Variants in DCP1A observed in about 807,000 individuals in gnomAD.
DCP1A encodes the protein mRNA-decapping enzyme 1A.
A neutral mutation model predicts 58.0 loss-of-function variants in DCP1A; 20 were observed. The observed-to-expected ratio is 0.34, with a 90% CI of 0.24 to 0.50. The LOEUF is 0.50. DCP1A is among the 20% of genes least tolerant of loss of function. DCP1A has a pLI of 0.98. For synonymous variants in DCP1A, 285 were observed against 275.1 expected (o/e 1.04, Z -0.36); for missense variants, 613 against 712.2 (o/e 0.86, Z 1.59).
Position 53,287,679 on chromosome 3 carries a change from G to T in DCP1A, c.1669-19C>A. 13 of 1,577,974 alleles carry T rather than the reference G, an allele frequency of 8.2e-6. No individual in the cohort carries two copies. The highest frequency in any genetic ancestry group is 1.1e-5 in the Non-Finnish European group (13 of 1,147,722). The stretch of plus-strand genomic sequence containing the variant: ...AATCATTCTAGAAGAGATGGTAAAG[G>T]TTAAGGATACGAATGCCACATTTAC... On this transcript the variant is annotated intron_variant, in intron 9 of 9. Coordinates refer to ENST00000610213, the MANE Select transcript of DCP1A (RefSeq NM_018403.7).
Position 53,301,059 on chromosome 3 carries a change from G to T in DCP1A, c.624+3118C>A, listed in dbSNP as rs562754317. ...ACTTCATGATTCACAAAAGGAAGAT[G>T]AAGTGATTCATGATTTAGAAAGGGG... is the stretch of plus-strand genomic sequence containing the variant. On this transcript the variant is annotated intron_variant, in intron 6 of 9. Transcript: ENST00000610213. 2.6e-5 allele frequency among the ~76,000 whole-genome samples: 4 copies of T among 152,304 alleles called. No homozygotes were observed. In the South Asian group the frequency reaches 8.3e-4, roughly 32 times the overall value.
At chr3:53,334,940 A>G (rs1375198344) in intron 3 of DCP1A, among the ~76,000 whole-genome samples, 6 of 147,978 alleles carry the variant, frequency 4.1e-5, no homozygotes, top group Non-Finnish European at 9.0e-5. Flanking sequence ...TCCTCTCAAT[A>G]TATTATTCTT....
chr3:53,288,247 C>T lies in DCP1A; in HGVS notation c.1486G>A (p.Ala496Thr), dbSNP rs1706720037. The change falls in exon 9 of 10, where the codon GCA becomes ACA. Residue 496 changes from alanine (A) to threonine (T), a missense_variant. Coordinates refer to ENST00000610213, the MANE Select transcript of DCP1A (RefSeq NM_018403.7). ...GGGGCCAGCAGGACTGAAGACACTG[C>T]AGTGGTCGTTGCAGTAACCAGTGGG... Reference protein sequence around the residue: ...GAPLVTATTTAVSSVLLAPSV... With the variant: ...GAPLVTATTTTVSSVLLAPSV... 1 of 1,613,330 alleles carries T rather than the reference C, an allele frequency of 6.2e-7. No homozygotes were observed. The highest frequency in any genetic ancestry group is 1.3e-5 in the African/African-American group (1 of 74,894).
intron 6 of DCP1A, among the ~76,000 whole-genome samples, chr3:53,294,222 C>T (rs782572849): frequency 3.3e-5 from 5 of 152,182 alleles, no homozygotes; most frequent in African/African-American, 7.2e-5. Context: ...TATTTTAGAA[C>T]GTGCACTTGG....
At chr3:53,313,448 T>A (rs1236417054) in intron 4 of DCP1A, among the ~76,000 whole-genome samples, 1 of 151,330 alleles carries the variant, frequency 6.6e-6, no homozygotes, top group Non-Finnish European at 1.5e-5. Context: ...CTAAGTGGGC[T>A]TTCAGTTTTT....
At chr3:53,332,586 C>T (rs946855049) in intron 3 of DCP1A, among the ~76,000 whole-genome samples, 10 of 152,092 alleles carry the variant, frequency 6.6e-5, no homozygotes, top group South Asian at 2.1e-4. Context: ...ATTTCTAGGC[C>T]GGGCGCGGTG....
At chr3:53,292,991 C>G (rs782574277) in intron 6 of DCP1A, among the ~76,000 whole-genome samples, 164 bp from the exon 7 acceptor site, 68 of 152,218 alleles carry the variant, frequency 4.5e-4, no homozygotes, top group Non-Finnish European at 5.3e-4. Context: ...GGCCCAGGTT[C>G]ATCTAGTGTC....
intron 3 of DCP1A, among the ~76,000 whole-genome samples, chr3:53,327,177 A>G (rs1390392404): frequency 3.3e-5 from 5 of 152,006 alleles, no homozygotes; most frequent in African/African-American, 9.7e-5. Flanking sequence ...AAGGGGGGGA[A>G]CTTCTTTTCT....
Position 53,293,196 on chromosome 3 carries a change from TA to T in DCP1A, c.625-370del, listed in dbSNP as rs1331433214. Reference sequence around the variant, plus strand: ...AATGCTAATCAGGTGATTCTACCTTTACTTTCACTGTTCTCAATGAAACGCT... The same window carrying T: ...AATGCTAATCAGGTGATTCTACCTTTCTTTCACTGTTCTCAATGAAACGCT... On this transcript the variant is annotated intron_variant, in intron 6 of 9. Coordinates refer to ENST00000610213, the MANE Select transcript of DCP1A (RefSeq NM_018403.7). Among the ~76,000 whole-genome samples, 3 of 152,250 alleles carry T rather than the reference TA, an allele frequency of 2.0e-5. No individual in the cohort carries two copies. In the East Asian group the frequency reaches 5.8e-4, roughly 29 times the overall value.
chr3:53,303,904 T>A (rs921894899), intron 6 of DCP1A, among the ~76,000 whole-genome samples: 3 of 152,190 alleles, frequency 2.0e-5, no homozygotes, highest in East Asian at 1.9e-4. Context: ...AGGAGTGCCA[T>A]GATCTGACTT....
In DCP1A at chr3:53,287,393, A is replaced by T. The variant is rs2106782364; in HGVS notation, c.*187T>A. The T allele has an allele frequency of 3.7e-5, 5 of 135,674 alleles. No homozygotes were observed. Among genetic ancestry groups the T allele is most frequent in the East Asian group, 2.3e-4 (1 of 4,418 alleles). 8.4% of individuals were successfully genotyped at this position (135,674 alleles called of 1,614,324 possible). On this transcript the variant is annotated 3_prime_UTR_variant, in exon 10 of 10. Coordinates refer to ENST00000610213, the MANE Select transcript of DCP1A (RefSeq NM_018403.7). Reference sequence around the variant, plus strand: ...TTGTCAAAACAAGGATCTGCTGGTGATGCTTCACAGTGAAACCTCCATTAT... The same window carrying T: ...TTGTCAAAACAAGGATCTGCTGGTGTTGCTTCACAGTGAAACCTCCATTAT...
intron 8 of DCP1A, 191 bp downstream of exon 8, chr3:53,290,599 AG>A (rs1706821633): frequency 1.5e-6 from 1 of 667,104 alleles, no homozygotes; most frequent in Non-Finnish European, 2.7e-6. Flanking sequence ...CACATCCAGC[AG>A]AACTTAAAAA....
In DCP1A at chr3:53,287,557, C is replaced by G. The variant is rs781805425; in HGVS notation, c.*23G>C. On this transcript the variant is annotated 3_prime_UTR_variant, in exon 10 of 10. Transcript: ENST00000610213. ...ATTTGTCTCTGAGGCTGGGGCTCTG[C>G]CTTTAGACTTATTCTGCTCCAGTCA... 1 of 1,545,680 alleles carries G rather than the reference C, an allele frequency of 6.5e-7. No homozygotes were observed. Among genetic ancestry groups the G allele is most frequent in the African/African-American group, 1.4e-5 (1 of 73,110 alleles).
At chr3:53,290,375 C>A (rs906709953) in intron 8 of DCP1A, among the ~76,000 whole-genome samples, 6 of 152,102 alleles carry the variant, frequency 3.9e-5, no homozygotes, top group Non-Finnish European at 7.4e-5. Flanking sequence ...ACACTCTTAG[C>A]AGTCACCCAT....
At chr3:53,345,300 C>T (rs979148173) in intron 1 of DCP1A, among the ~76,000 whole-genome samples, 1 of 152,072 alleles carries the variant, frequency 6.6e-6, no homozygotes, top group Non-Finnish European at 1.5e-5. Context: ...CTGTATACTG[C>T]AATTTCTTCT....
intron 3 of DCP1A, among the ~76,000 whole-genome samples, chr3:53,327,505 G>A (rs1208450605): frequency 6.6e-6 from 1 of 152,180 alleles, no homozygotes; most frequent in Non-Finnish European, 1.5e-5. Flanking sequence ...AAAAGAAAAA[G>A]CTGGCCGGGT....
At chr3:53,345,734 ATC>A (rs1472027315) in intron 1 of DCP1A, among the ~76,000 whole-genome samples, 4 of 152,156 alleles carry the variant, frequency 2.6e-5, no homozygotes, top group Non-Finnish European at 5.9e-5. Flanking sequence ...AAAATTGATC[ATC>A]TCGATTTCTT....
rs1553684812 is a variant in DCP1A at position 53,284,207 on chromosome 3, CAG to C, written c.*3371_*3372del. 2 of 152,270 alleles carry C rather than the reference CAG, an allele frequency of 1.3e-5. No individual in the cohort carries two copies. Among genetic ancestry groups the C allele is most frequent in the African/African-American group, 4.8e-5 (2 of 41,466 alleles). The allele number at this position is 152,270 out of a possible 1,614,324, so 9.4% of individuals were successfully genotyped here. A position where few individuals can be genotyped will look rare whatever the true frequency, so the allele number is the denominator to read the frequency against. ...TGCCTGTGCCACCTCTCATTCCTCT[CAG>C]AGTTACAGTATGATGGCTGATTTTG... On this transcript the variant is annotated 3_prime_UTR_variant, in exon 10 of 10. Coordinates refer to ENST00000610213, the MANE Select transcript of DCP1A (RefSeq NM_018403.7).
At chr3:53,321,923 T>A (rs1707979972) in intron 3 of DCP1A, among the ~76,000 whole-genome samples, 1 of 152,116 alleles carries the variant, frequency 6.6e-6, no homozygotes, top group Non-Finnish European at 1.5e-5. Flanking sequence ...ATAATTAAGT[T>A]AAAAGGCACA....
Sources: gnomAD v4.1 joint callset for allele counts (sites outside exome capture counted in the v4.1 genomes callset) on GRCh38, gnomAD v4.1.1 for gene constraint, MANE v1.5 for transcripts, NCBI Gene and HGNC (gene_info 2026-07-23, HGNC 2026-07-21) for gene names.